The following B4GALT6 variants were observed in gnomAD, a reference collection of about 807,000 sequenced individuals.
B4GALT6 encodes the protein beta-1,4-galactosyltransferase 6, also known as UDP-Gal:beta-GlcNAc beta-1,4-galactosyltransferase 6.
B4GALT6 carries 14 observed loss-of-function variants against 46.3 expected under a neutral mutation model. That is an observed-to-expected ratio of 0.30 (90% CI 0.20 to 0.47). The LOEUF is 0.47. Among genes scored for constraint, B4GALT6 ranks in the 20% least tolerant of loss-of-function variants. The pLI is 0.99. For synonymous variants in B4GALT6, 168 were observed against 162.0 expected (o/e 1.04, Z -0.28); for missense variants, 386 against 480.1 (o/e 0.80, Z 1.83).
At chr18:31,647,774 A>G (rs1396806165) in intron 3 of B4GALT6, among the ~76,000 whole-genome samples, 1 of 152,298 alleles carries the variant, frequency 6.6e-6, no homozygotes, top group Admixed American at 6.5e-5. Flanking sequence ...GGAAAAGGTC[A>G]TGTTATAAAA....
At chr18:31,652,573 C>T (rs889794459) in intron 3 of B4GALT6, among the ~76,000 whole-genome samples, 1 of 152,186 alleles carries the variant, frequency 6.6e-6, no homozygotes, top group African/African-American at 2.4e-5. Flanking sequence ...GGATCTCTTA[C>T]TAAAGGCAGA....
the B4GALT6 span, among the ~76,000 whole-genome samples, chr18:31,715,482 G>C: frequency 6.8e-6 from 1 of 147,604 alleles, no homozygotes; most frequent in African/African-American, 2.5e-5. Flanking sequence ...TCCAGCCTCA[G>C]CCTCCCAGAG....
At chr18:31,700,431 CTA>C in the B4GALT6 span, among the ~76,000 whole-genome samples, 187 of 74,602 alleles carry the variant, frequency 2.5e-3, 1 homozygote, top group African/African-American at 7.4e-3. Flanking sequence ...ATAAAATTGA[CTA>C]TTTGTGTGTG....
rs2073636537 is a variant in B4GALT6 at position 31,622,947 on chromosome 18, C to T, written c.*2667G>A. The T allele has an allele frequency of 6.6e-6, 1 of 152,000 alleles. No homozygotes were observed. Among genetic ancestry groups the T allele is most frequent in the Admixed American group, 6.6e-5 (1 of 15,258 alleles). 9.4% of individuals were successfully genotyped at this position (152,000 alleles called of 1,614,324 possible). ...TAGTGCCATAGGGACCTCCTATTAG[C>T]CCTAGGTCCACATATACGGGTTTCT... On this transcript the variant is annotated 3_prime_UTR_variant, in exon 9 of 9. Transcript: ENST00000306851.
chr18:31,654,723 T>A (rs1371666369), intron 3 of B4GALT6, among the ~76,000 whole-genome samples: 1 of 152,218 alleles, frequency 6.6e-6, no homozygotes, highest in African/African-American at 2.4e-5. Context: ...ATATTACTTG[T>A]ACTTGAATGG....
intron 2 of B4GALT6, among the ~76,000 whole-genome samples, chr18:31,662,183 C>CTTCAA (rs1348319424): frequency 6.6e-6 from 1 of 152,158 alleles, no homozygotes; most frequent in East Asian, 1.9e-4. Context: ...ATTTAAGTGC[C>CTTCAA]TTCAAGTTAC....
upstream of B4GALT6, among the ~76,000 whole-genome samples, chr18:31,688,260 C>CAT (rs549734087): frequency 2.1e-4 from 30 of 140,808 alleles, no homozygotes; most frequent in South Asian, 2.5e-3. Flanking sequence ...TATATATATA[C>CAT]ATATATATAT....
the B4GALT6 span, among the ~76,000 whole-genome samples, chr18:31,703,324 GA>G: frequency 1.7e-4 from 25 of 151,380 alleles, no homozygotes; most frequent in Admixed American, 4.0e-4. Context: ...GGTCTGAGGA[GA>G]AAAAAAAATA....
In B4GALT6 at chr18:31,631,192, TTCA is replaced by T. The variant is rs781613295; in HGVS notation, c.589-49_589-47del. 8 of 1,413,388 alleles carry T rather than the reference TTCA, an allele frequency of 5.7e-6. No individual in the cohort carries two copies. The South Asian group carries it at 6.8e-5, about 12-fold the overall frequency. 87.6% of individuals were successfully genotyped at this position (1,413,388 alleles called of 1,614,324 possible). A position where few individuals can be genotyped will look rare whatever the true frequency, so the allele number is the denominator to read the frequency against. On this transcript the variant is annotated intron_variant, in intron 5 of 8. Transcript: ENST00000306851. ...GAAAAAAATAGAAATGTACTCACAC[TTCA>T]TCATCTTTTTTTTTTTTTTTCTTTT...
intron 6 of B4GALT6, 146 bp from the exon 7 acceptor site, chr18:31,627,267 G>A: frequency 1.7e-6 from 1 of 579,324 alleles, no homozygotes; most frequent in African/African-American, 1.9e-5. Flanking sequence ...AGTACACCAA[G>A]ACATAAAACA....
At chr18:31,695,454 C>A in the B4GALT6 span, among the ~76,000 whole-genome samples, 2 of 152,196 alleles carry the variant, frequency 1.3e-5, no homozygotes, top group African/African-American at 4.8e-5. Context: ...TGTAGTGGAA[C>A]CCCCGAGAGG....
chr18:31,669,917 A>C (rs2074330410), intron 1 of B4GALT6, among the ~76,000 whole-genome samples: 1 of 152,256 alleles, frequency 6.6e-6, no homozygotes, highest in Admixed American at 6.5e-5. Flanking sequence ...GCCTAAGGCA[A>C]AAAACTTGTA....
At chr18:31,678,429 T>C (rs1274088351) in intron 1 of B4GALT6, among the ~76,000 whole-genome samples, 1 of 151,968 alleles carries the variant, frequency 6.6e-6, no homozygotes, top group Non-Finnish European at 1.5e-5. Flanking sequence ...CGCTCGTCTA[T>C]ACAGTATTCC....
the B4GALT6 span, among the ~76,000 whole-genome samples, chr18:31,692,565 A>G: frequency 2.0e-5 from 3 of 152,244 alleles, no homozygotes; most frequent in Non-Finnish European, 4.4e-5. Flanking sequence ...TTCATAAAAT[A>G]GGGATAAAAG....
At chr18:31,655,804 G>A (rs2074131156) in intron 3 of B4GALT6, among the ~76,000 whole-genome samples, 1 of 152,088 alleles carries the variant, frequency 6.6e-6, no homozygotes, top group Non-Finnish European at 1.5e-5. Context: ...GGAAAACAAG[G>A]CTGCAATAAC....
At chr18:31,684,624 T>C (rs1318483837), upstream of B4GALT6, 1 of 978,712 alleles carries the variant, frequency 1.0e-6, no homozygotes, top group African/African-American at 2.6e-5. Flanking sequence ...GGCCAGAGAG[T>C]CGGGGGAGGG....
At chr18:31,705,228 G>T in the B4GALT6 span, among the ~76,000 whole-genome samples, 2 of 152,124 alleles carry the variant, frequency 1.3e-5, no homozygotes, top group Non-Finnish European at 2.9e-5. Flanking sequence ...GATAATACAC[G>T]TACTTATACA....
chr18:31,623,860 G>A lies in B4GALT6; in HGVS notation c.*1754C>T, dbSNP rs1438041885. On this transcript the variant is annotated 3_prime_UTR_variant, in exon 9 of 9. Coordinates refer to ENST00000306851, the MANE Select transcript of B4GALT6 (RefSeq NM_004775.5). ...CACTTCAAAATAAAACTTACAATCT[G>A]AGATAAATAACCATAGTTCTGTTTT... 6.6e-6 allele frequency: 1 copy of A among 151,874 alleles called. No individual in the cohort carries two copies. Among genetic ancestry groups the A allele is most frequent in the Non-Finnish European group, 1.5e-5 (1 of 67,808 alleles). The allele number at this position is 151,874 out of a possible 1,614,324, so 9.4% of individuals were successfully genotyped here. A position where few individuals can be genotyped will look rare whatever the true frequency, so the allele number is the denominator to read the frequency against.
At position 31,645,856 on chromosome 18, in the gene B4GALT6, CAG is replaced by C. The variant is rs540402565; in HGVS notation, c.347-379_347-378del. ...ATTTTTAATTTTAACATTTTCAACACAGGGGACACAATGGCACAGTACTTAAC... is the reference window on the plus strand; with the variant it reads ...ATTTTTAATTTTAACATTTTCAACACGGGACACAATGGCACAGTACTTAAC... On this transcript the variant is annotated intron_variant, in intron 3 of 8. Transcript: ENST00000306851. Among the ~76,000 whole-genome samples, 102 of 152,130 alleles carry C rather than the reference CAG, an allele frequency of 6.7e-4. 2 individuals carry two copies. The highest frequency in any genetic ancestry group is 2.1e-4 in the South Asian group (1 of 4,830).
Sources: gnomAD v4.1 joint callset for allele counts (sites outside exome capture counted in the v4.1 genomes callset) on GRCh38, gnomAD v4.1.1 for gene constraint, MANE v1.5 for transcripts, NCBI Gene and HGNC (gene_info 2026-07-23, HGNC 2026-07-21) for gene names.